Variants in COL4A4 observed in about 807,000 individuals in gnomAD.
The protein encoded by COL4A4 is collagen type IV alpha 4 chain.
In COL4A4, 105 loss-of-function variants were observed where a neutral mutation model predicts 192.9. That is an observed-to-expected ratio of 0.54 (90% CI 0.46 to 0.64). The LOEUF (loss-of-function observed/expected upper bound fraction) is 0.64, where lower values mean the gene tolerates loss of function less well. Among genes scored for constraint, COL4A4 ranks in the 30% least tolerant of loss-of-function variants. The pLI is 0.00. For missense variants in COL4A4, 1,967 were observed against 2,169.3 expected (o/e 0.91, Z 1.85); for synonymous variants, 762 against 769.9 (o/e 0.99, Z 0.17).
the COL4A4 span, chr2:226,995,547 C>T: frequency 6.7e-7 from 1 of 1,490,736 alleles, no homozygotes; most frequent in Non-Finnish European, 9.3e-7. Flanking sequence ...AAGACATGGC[C>T]TATTCGTGTA....
chr2:227,050,088 T>C lies in COL4A4; in HGVS notation c.3194A>G (p.Asp1065Gly). The stretch of plus-strand genomic sequence containing the variant: ...CATACCTTTAGGTCCTCTTGCTCCA[T>C]CAATTCCTGAAAATCCAGGGGGACC... ...SPGPPGFSGIDGARGPKGNKG... is the reference protein window; with the variant it reads ...SPGPPGFSGIGGARGPKGNKG... Residue 1065 changes from aspartate (D) to glycine (G), a missense_variant, in exon 34 of 48, where the codon GAT (aspartate) becomes GGT (glycine). Physicochemically the swap from Asp to Gly is moderately conservative, Grantham distance 94. Transcript: ENST00000396625. 1 of 1,614,190 alleles carries C rather than the reference T, an allele frequency of 6.2e-7. No individual in the cohort carries two copies. The highest frequency in any genetic ancestry group is 8.5e-7 in the Non-Finnish European group (1 of 1,180,006).
intron 28 of COL4A4, 21 bp downstream of exon 28, chr2:227,059,384 A>G (rs757642983): frequency 6.2e-7 from 1 of 1,604,494 alleles, no homozygotes; most frequent in Non-Finnish European, 8.5e-7. Context: ...ATGCACCAAA[A>G]GGACAGCAAA....
the COL4A4 span, chr2:226,995,539 G>A: frequency 6.5e-7 from 1 of 1,540,242 alleles, no homozygotes; most frequent in Admixed American, 1.7e-5. Context: ...ATCTTGGGAA[G>A]ACATGGCCTA....
chr2:227,146,149 T>C (rs1161137517), intron 2 of COL4A4, among the ~76,000 whole-genome samples: 1 of 152,240 alleles, frequency 6.6e-6, no homozygotes, highest in Non-Finnish European at 1.5e-5. Flanking sequence ...TTGGACAATA[T>C]GCTCCAAAGA....
intron 12 of COL4A4, among the ~76,000 whole-genome samples, chr2:227,106,355 C>G (rs544047139): frequency 6.6e-6 from 1 of 152,210 alleles, no homozygotes; most frequent in African/African-American, 2.4e-5. Flanking sequence ...ATTGGTCATA[C>G]TGCTATTTTT....
At chr2:227,059,379 C>G in intron 28 of COL4A4, 26 bp downstream of exon 28, 2 of 1,600,316 alleles carry the variant, frequency 1.2e-6, no homozygotes, top group Non-Finnish European at 1.7e-6. Context: ...GCTCTATGCA[C>G]CAAAAGGACA....
chr2:227,071,908 A>G (rs1421192266), intron 25 of COL4A4, among the ~76,000 whole-genome samples: 1 of 152,132 alleles, frequency 6.6e-6, no homozygotes, highest in Non-Finnish European at 1.5e-5. Context: ...CAGTGCTAAG[A>G]GGAAAGCTTA....
At chr2:227,026,116 T>G (rs372529181) in intron 42 of COL4A4, among the ~76,000 whole-genome samples, 1 of 152,158 alleles carries the variant, frequency 6.6e-6, no homozygotes, top group Non-Finnish European at 1.5e-5. Context: ...ATTTAATGCA[T>G]GTAGGAATTC....
At chr2:227,055,807 A>G (rs1451851847) in intron 30 of COL4A4, 138 bp downstream of exon 30, 2 of 754,644 alleles carry the variant, frequency 2.7e-6, no homozygotes, top group Non-Finnish European at 4.5e-6. Context: ...GGACAAGAGC[A>G]AGGGAGGCAT....
the COL4A4 span, among the ~76,000 whole-genome samples, chr2:226,980,709 A>G: frequency 6.6e-6 from 1 of 152,164 alleles, no homozygotes; most frequent in Admixed American, 6.5e-5. Context: ...GATACTTCCA[A>G]TGAAGTTCAG....
In COL4A4 at chr2:227,104,717, A is replaced by G. The variant is rs563251151; in HGVS notation, c.736-665T>C. 3.6e-3 allele frequency among the ~76,000 whole-genome samples: 516 copies of G among 142,198 alleles called. 4 individuals are homozygous for G. The highest frequency in any genetic ancestry group is 0.012 in the African/African-American group (469 of 38,202). 93.3% of individuals were successfully genotyped at this position (142,198 alleles called of 152,430 possible). A position where few individuals can be genotyped will look rare whatever the true frequency, so the allele number is the denominator to read the frequency against. Reference sequence around the variant, plus strand: ...GTGCAATGACGCGATCTCGGCTCACAGCAACCTCCGCCTCCCGGGTTCAAG... The same window carrying G: ...GTGCAATGACGCGATCTCGGCTCACGGCAACCTCCGCCTCCCGGGTTCAAG... On this transcript the variant is annotated intron_variant, in intron 12 of 47. Transcript: ENST00000396625.
intron 3 of COL4A4, among the ~76,000 whole-genome samples, chr2:227,142,799 C>A (rs180890099): frequency 6.6e-6 from 1 of 151,562 alleles, no homozygotes; most frequent in Admixed American, 6.6e-5. Flanking sequence ...TTATTAATGT[C>A]TTATACTTGT....
At chr2:226,979,373 T>C in the COL4A4 span, among the ~76,000 whole-genome samples, 1 of 152,190 alleles carries the variant, frequency 6.6e-6, no homozygotes, top group African/African-American at 2.4e-5. Flanking sequence ...CAAAGCAAGA[T>C]GGTTCCTGTT....
At chr2:227,140,285 A>T (rs778476677) in intron 3 of COL4A4, 47 bp from the exon 4 acceptor site, 20 of 1,489,574 alleles carry the variant, frequency 1.3e-5, no homozygotes, top group Non-Finnish European at 1.6e-5. Flanking sequence ...TCATCGTTTA[A>T]CTACGTGCAT....
At chr2:226,972,961 G>A in the COL4A4 span, among the ~76,000 whole-genome samples, 2 of 150,890 alleles carry the variant, frequency 1.3e-5, no homozygotes, top group Admixed American at 1.3e-4. Flanking sequence ...AACCATGCAG[G>A]TTCCCCCACT....
Position 227,052,292 on chromosome 2 carries a change from C to T in COL4A4, c.2968+13G>A, listed in dbSNP as rs534844521. ...AACTTATTTGATATGGTTAAAAACT[C>T]TTAAGTGTTTACCTCTTTCTCCTGG... On this transcript the variant is annotated intron_variant, in intron 32 of 47. Transcript: ENST00000396625. The T allele has an allele frequency of 1.3e-5, 19 of 1,456,820 alleles. No individual in the cohort carries two copies. The South Asian group carries it at 2.2e-4, about 17-fold the overall frequency. The allele number at this position is 1,456,820 out of a possible 1,614,324, so 90.2% of individuals were successfully genotyped here.
chr2:226,994,276 G>T, the COL4A4 span, among the ~76,000 whole-genome samples: 1 of 152,218 alleles, frequency 6.6e-6, no homozygotes, highest in Admixed American at 6.5e-5. Context: ...AGGGAGATAG[G>T]TCAGGGGGTC....
rs965693792 is a variant in COL4A4 at position 227,123,875 on chromosome 2, G to A, written c.193-2727C>T. On this transcript the variant is annotated intron_variant, in intron 4 of 47. Coordinates refer to ENST00000396625, the MANE Select transcript of COL4A4 (RefSeq NM_000092.5). The surrounding 1 kb of genome is among the most constrained non-coding windows in gnomAD (Gnocchi z 4.6). ...AACAGAGTGAGCACCCAGGCTATGC[G>A]TCAGCCTCCTGGGTTTGAAGCCCAG... 3.3e-5 allele frequency among the ~76,000 whole-genome samples: 5 copies of A among 152,180 alleles called. No individual in the cohort carries two copies. Among genetic ancestry groups the A allele is most frequent in the Admixed American group, 6.5e-5 (1 of 15,284 alleles).
chr2:227,037,673 C>T (rs1158495590), intron 37 of COL4A4, among the ~76,000 whole-genome samples: 2 of 152,188 alleles, frequency 1.3e-5, no homozygotes, highest in Non-Finnish European at 2.9e-5. Context: ...CTGTCTTCCA[C>T]AACAGTTGAA....
Sources: gnomAD v4.1 joint callset for allele counts (sites outside exome capture counted in the v4.1 genomes callset) on GRCh38, gnomAD v4.1.1 for gene constraint, Gnocchi (gnomAD v3.1) non-coding constraint, MANE v1.5 for transcripts, NCBI Gene and HGNC (gene_info 2026-07-23, HGNC 2026-07-21) for gene names.